Variants in NDST4 observed in about 807,000 individuals in gnomAD.
The protein encoded by NDST4 is N-heparan sulfate sulfotransferase 4.
Under a neutral mutation model 100.8 loss-of-function variants are expected in NDST4, and 63 were observed. The observed-to-expected ratio is 0.62, with a 90% CI of 0.51 to 0.77. NDST4 has a LOEUF of 0.77. Among genes scored for constraint, NDST4 ranks in the 30% least tolerant of loss-of-function variants. The pLI is 0.00. For missense variants in NDST4, 943 were observed against 1,018.4 expected (o/e 0.93, Z 1.01); for synonymous variants, 377 against 361.8 (o/e 1.04, Z -0.48).
In NDST4 at chr4:115,008,578, T is replaced by A. The variant is rs2126259256; in HGVS notation, c.979-31304A>T. On this transcript the variant is annotated intron_variant, in intron 2 of 13. Coordinates refer to ENST00000264363, the MANE Select transcript of NDST4 (RefSeq NM_022569.3). ...ATCTATGACAAACCCACAGCCAATA[T>A]CATACTGAATGGGCAAAAACTGGAC... Among the ~76,000 whole-genome samples, 2 of 129,126 alleles carry A rather than the reference T, an allele frequency of 1.5e-5. 1 individual carries two copies. The highest frequency in any genetic ancestry group is 6.1e-4 in the South Asian group (2 of 3,302). 84.7% of individuals were successfully genotyped at this position (129,126 alleles called of 152,430 possible).
chr4:114,845,102 G>A (rs1414960857), intron 10 of NDST4, among the ~76,000 whole-genome samples: 1 of 152,132 alleles, frequency 6.6e-6, no homozygotes, highest in Non-Finnish European at 1.5e-5. Flanking sequence ...GGCTGAGGTT[G>A]GTGGATTGCT....
Position 114,946,369 on chromosome 4 carries a change from T to C in NDST4, c.1222-8866A>G, listed in dbSNP as rs79763720. On this transcript the variant is annotated intron_variant, in intron 4 of 13. Transcript: ENST00000264363. ...AGGTCATACAAAAGAAGTAAGTAAA[T>C]TGTGTAATATATTAGAAGGTGATTA... is the stretch of plus-strand genomic sequence containing the variant. Among the ~76,000 whole-genome samples, 394 of 152,066 alleles carry C rather than the reference T, an allele frequency of 2.6e-3. 2 individuals are homozygous for C. The highest frequency in any genetic ancestry group is 3.8e-3 in the Non-Finnish European group (257 of 67,984).
chr4:115,030,906 C>A (rs1315358126), intron 2 of NDST4, among the ~76,000 whole-genome samples: 1 of 152,070 alleles, frequency 6.6e-6, no homozygotes, highest in Non-Finnish European at 1.5e-5. Flanking sequence ...AAAAGAGTTA[C>A]AAGAACACCT....
chr4:115,048,841 G>C (rs1210560917), intron 2 of NDST4, among the ~76,000 whole-genome samples: 2 of 151,836 alleles, frequency 1.3e-5, no homozygotes, highest in Non-Finnish European at 2.9e-5. Context: ...GTTTCAACAT[G>C]TTGGCCAGGC....
At chr4:114,887,224 T>G (rs1724497640) in intron 6 of NDST4, among the ~76,000 whole-genome samples, 1 of 152,206 alleles carries the variant, frequency 6.6e-6, no homozygotes, top group Admixed American at 6.5e-5. Context: ...TATCTGGGTC[T>G]AATGTGAGAC....
intron 8 of NDST4, among the ~76,000 whole-genome samples, chr4:114,850,042 AG>A (rs1477370930): frequency 6.6e-6 from 1 of 152,214 alleles, no homozygotes; most frequent in East Asian, 1.9e-4. Context: ...GAAATCTAGA[AG>A]TTTTTTTTAA....
chr4:114,862,826 T>G (rs918736458), intron 7 of NDST4, among the ~76,000 whole-genome samples: 2 of 152,212 alleles, frequency 1.3e-5, no homozygotes, highest in Non-Finnish European at 2.9e-5. Context: ...AATGTTGGGA[T>G]GCTAAGCTGT....
chr4:115,059,918 C>G (rs190521222), intron 2 of NDST4, among the ~76,000 whole-genome samples: 4 of 152,100 alleles, frequency 2.6e-5, no homozygotes, highest in African/African-American at 7.2e-5. Flanking sequence ...AGTATAGGAA[C>G]TAATTGGCAT....
chr4:114,911,304 C>T (rs1725056882), intron 6 of NDST4, among the ~76,000 whole-genome samples: 1 of 152,230 alleles, frequency 6.6e-6, no homozygotes, highest in Admixed American at 6.5e-5. Context: ...ACAATTCTAC[C>T]CCAGAGCTTA....
chr4:114,943,807 T>C (rs1448238587), intron 4 of NDST4, among the ~76,000 whole-genome samples: 1 of 152,150 alleles, frequency 6.6e-6, no homozygotes, highest in Non-Finnish European at 1.5e-5. Flanking sequence ...TTTATAAAAT[T>C]AGTTTAATAA....
intron 4 of NDST4, among the ~76,000 whole-genome samples, chr4:114,960,616 C>T (rs926767747): frequency 3.3e-5 from 5 of 151,818 alleles, no homozygotes; most frequent in Admixed American, 6.6e-5. Context: ...TTATGGAAGA[C>T]GGTATATATA....
At chr4:115,023,866 A>G (rs1427120995) in intron 2 of NDST4, among the ~76,000 whole-genome samples, 1 of 152,062 alleles carries the variant, frequency 6.6e-6, no homozygotes, top group African/African-American at 2.4e-5. Flanking sequence ...GGTTTTGGAG[A>G]TGAACCCAGG....
At chr4:114,888,224 A>G (rs1464858257) in intron 6 of NDST4, among the ~76,000 whole-genome samples, 2 of 150,548 alleles carry the variant, frequency 1.3e-5, no homozygotes, top group Non-Finnish European at 3.0e-5. Context: ...TAAATAATTT[A>G]ATTTAATTAA....
intron 2 of NDST4, among the ~76,000 whole-genome samples, chr4:114,998,223 G>A (rs1205435351): frequency 3.9e-5 from 6 of 152,036 alleles, no homozygotes; most frequent in Non-Finnish European, 8.8e-5. Flanking sequence ...ATGCAAAAAC[G>A]GATGCTTCAC....
chr4:115,036,958 C>T (rs1728246275), intron 2 of NDST4, among the ~76,000 whole-genome samples: 1 of 151,604 alleles, frequency 6.6e-6, no homozygotes, highest in Admixed American at 6.6e-5. Flanking sequence ...TTGGATAAAA[C>T]ATTTAAAAGA....
intron 7 of NDST4, among the ~76,000 whole-genome samples, chr4:114,854,437 T>C (rs1723746625): frequency 6.6e-6 from 1 of 152,224 alleles, no homozygotes; most frequent in Non-Finnish European, 1.5e-5. Context: ...GAAATAAATG[T>C]GGGAGTGCAG....
chr4:115,096,281 A>G (rs918610839), intron 1 of NDST4, among the ~76,000 whole-genome samples: 2 of 151,278 alleles, frequency 1.3e-5, no homozygotes, highest in African/African-American at 4.9e-5. Context: ...TGGATAGAAC[A>G]TTACTCAACT....
intron 4 of NDST4, among the ~76,000 whole-genome samples, chr4:114,951,695 G>A (rs1323153994): frequency 1.3e-5 from 2 of 152,008 alleles, no homozygotes; most frequent in East Asian, 3.9e-4. Context: ...ATTTGCCAAG[G>A]TCATCCATAT....
chr4:114,974,028 T>C (rs1726575420), intron 3 of NDST4, among the ~76,000 whole-genome samples: 1 of 151,954 alleles, frequency 6.6e-6, no homozygotes, highest in South Asian at 2.1e-4. Flanking sequence ...TTTTTGATAA[T>C]ATTTGAATCT....
Sources: gnomAD v4.1 joint callset for allele counts (sites outside exome capture counted in the v4.1 genomes callset) on GRCh38, gnomAD v4.1.1 for gene constraint, MANE v1.5 for transcripts, NCBI Gene and HGNC (gene_info 2026-07-23, HGNC 2026-07-21) for gene names.